Variants in AGBL4 observed in about 807,000 individuals in gnomAD.
AGBL4 encodes cytosolic carboxypeptidase 6.
AGBL4 carries 58 observed loss-of-function variants against 66.4 expected under a neutral mutation model. The observed-to-expected ratio is 0.87, with a 90% CI of 0.71 to 1.09. The LOEUF is 1.09. Ranked by LOEUF, AGBL4 falls within the 50% of genes least tolerant of loss-of-function variation. The probability of loss-of-function intolerance (pLI) is 0.00; values close to 1 mark genes in which losing one functional copy is unlikely to be tolerated. For synonymous variants in AGBL4, 234 were observed against 222.9 expected (o/e 1.05, Z -0.44); for missense variants, 579 against 631.0 (o/e 0.92, Z 0.88).
intron 1 of AGBL4, among the ~76,000 whole-genome samples, chr1:49,905,070 T>A (rs917404379): frequency 1.3e-5 from 2 of 152,182 alleles, no homozygotes; most frequent in African/African-American, 4.8e-5. Context: ...TTGACAAAAT[T>A]AGAAAAAGAT....
chr1:48,728,178 T>C (rs1210347389), intron 6 of AGBL4: 1 of 753,210 alleles, frequency 1.3e-6, no homozygotes. Context: ...AGCTATATTT[T>C]AAAATTTGCA....
intron 4 of AGBL4, among the ~76,000 whole-genome samples, chr1:49,082,878 G>C (rs1385349663): frequency 6.6e-6 from 1 of 152,222 alleles, no homozygotes; most frequent in Non-Finnish European, 1.5e-5. Context: ...TAGATACAAT[G>C]GAGGTACAGG....
At chr1:49,765,414 A>G (rs1008378621) in intron 2 of AGBL4, among the ~76,000 whole-genome samples, 10 of 152,122 alleles carry the variant, frequency 6.6e-5, no homozygotes, top group African/African-American at 2.4e-4. Flanking sequence ...GGAAAAGAAA[A>G]AGAAAAATAT....
intron 3 of AGBL4, among the ~76,000 whole-genome samples, chr1:49,438,744 A>G (rs1645960307): frequency 6.6e-6 from 1 of 152,202 alleles, no homozygotes; most frequent in Non-Finnish European, 1.5e-5. Context: ...CAAATAAAAA[A>G]TTTAATAGAA....
In AGBL4 at chr1:49,034,814, T is replaced by C. The variant is rs532242536; in HGVS notation, c.594+10770A>G. ...CTGAGGCCTACCAGTCATGCTGAAG[T>C]GTGAGTCAATTAAACCTCTTTCCCT... On this transcript the variant is annotated intron_variant, in intron 5 of 13. Coordinates refer to ENST00000371839, the MANE Select transcript of AGBL4 (RefSeq NM_032785.4). 5.9e-5 allele frequency among the ~76,000 whole-genome samples: 9 copies of C among 152,172 alleles called. No homozygotes were observed. In the South Asian group the frequency reaches 1.9e-3, roughly 32 times the overall value.
At chr1:48,766,958 T>C (rs899509846) in intron 6 of AGBL4, among the ~76,000 whole-genome samples, 1 of 152,212 alleles carries the variant, frequency 6.6e-6, no homozygotes, top group African/African-American at 2.4e-5. Context: ...AGGTGTGACT[T>C]CGTGAGAGAC....
chr1:49,889,687 G>A (rs192214725), intron 1 of AGBL4, among the ~76,000 whole-genome samples: 1 of 152,130 alleles, frequency 6.6e-6, no homozygotes, highest in Non-Finnish European at 1.5e-5. Flanking sequence ...AACCTGGGAG[G>A]TGGAGGTTGC....
At chr1:49,614,540 T>C (rs1645215388) in intron 3 of AGBL4, among the ~76,000 whole-genome samples, 1 of 152,188 alleles carries the variant, frequency 6.6e-6, no homozygotes, top group Non-Finnish European at 1.5e-5. Flanking sequence ...AGAATATTTG[T>C]ATACATTACC....
chr1:48,887,211 A>T (rs1650449240), intron 5 of AGBL4, among the ~76,000 whole-genome samples: 1 of 152,176 alleles, frequency 6.6e-6, no homozygotes, highest in South Asian at 2.1e-4. Context: ...TGACGAGGGC[A>T]TAGAGGAAAA....
At chr1:49,692,661 T>A (rs1646912129) in intron 3 of AGBL4, among the ~76,000 whole-genome samples, 1 of 149,064 alleles carries the variant, frequency 6.7e-6, no homozygotes, top group Non-Finnish European at 1.5e-5. Flanking sequence ...GAGCTTGCAG[T>A]GAGCCAAGAT....
chr1:48,759,423 G>T, intron 6 of AGBL4: 1 of 1,347,012 alleles, frequency 7.4e-7, no homozygotes, highest in Non-Finnish European at 9.7e-7. Context: ...CAAACACTTA[G>T]TCAAAGCCCT....
At position 48,811,168 on chromosome 1, in the gene AGBL4, G is replaced by A. The variant is rs376014911; in HGVS notation, c.634+56023C>T. Among the ~76,000 whole-genome samples the A allele has an allele frequency of 6.7e-5, 10 of 150,124 alleles. No individual in the cohort carries two copies. In the East Asian group the frequency reaches 1.4e-3, roughly 21 times the overall value. On this transcript the variant is annotated intron_variant, in intron 6 of 13. Transcript: ENST00000371839. ...CTCTGATTCTCAGCAGATTGGGAGT[G>A]CAAGGTAGTGGGTGGGGGTGGGGGT...
chr1:49,020,270 T>G (rs1340263718), intron 5 of AGBL4, among the ~76,000 whole-genome samples: 1 of 152,158 alleles, frequency 6.6e-6, no homozygotes, highest in Non-Finnish European at 1.5e-5. Flanking sequence ...ACAGCACTTT[T>G]GAGTCTTCAA....
intron 11 of AGBL4, among the ~76,000 whole-genome samples, chr1:48,564,549 G>T (rs922331063): frequency 1.3e-5 from 2 of 152,020 alleles, no homozygotes; most frequent in South Asian, 4.1e-4. Flanking sequence ...CTATGTCTAT[G>T]CTTTTGTTTC....
At position 49,854,726 on chromosome 1, in the gene AGBL4, G is replaced by A. The variant is rs141902605; in HGVS notation, c.35-3208C>T. ...ACCCAGCAATACATCTGGACCCCCA[G>A]CACTGTAGCCATATAGTGCCCTAAA... On this transcript the variant is annotated intron_variant, in intron 1 of 13. Transcript: ENST00000371839. 3.6e-3 allele frequency among the ~76,000 whole-genome samples: 550 copies of A among 152,222 alleles called. 3 individuals are homozygous for A. Among genetic ancestry groups the A allele is most frequent in the African/African-American group, 0.012 (497 of 41,524 alleles).
chr1:49,588,237 C>T (rs986876026), intron 3 of AGBL4, among the ~76,000 whole-genome samples: 4 of 152,138 alleles, frequency 2.6e-5, no homozygotes, highest in African/African-American at 9.7e-5. Flanking sequence ...TTATAATACA[C>T]CATAATGCTT....
intron 5 of AGBL4, among the ~76,000 whole-genome samples, chr1:48,950,395 G>A (rs1255698281): frequency 6.6e-6 from 1 of 152,202 alleles, no homozygotes; most frequent in Non-Finnish European, 1.5e-5. Flanking sequence ...ACCGCACCTG[G>A]CCGACCTCAT....
At chr1:48,776,927 G>A (rs1159832883) in intron 6 of AGBL4, 1 of 629,700 alleles carries the variant, frequency 1.6e-6, no homozygotes. Flanking sequence ...TCGCTACGGT[G>A]CTGGGGGGGG....
chr1:49,832,765 T>G, intron 2 of AGBL4, among the ~76,000 whole-genome samples: 1 of 152,224 alleles, frequency 6.6e-6, no homozygotes, highest in Non-Finnish European at 1.5e-5. Flanking sequence ...GAGCATTTTT[T>G]CATGTGTTTT....
Sources: gnomAD v4.1 joint callset for allele counts (sites outside exome capture counted in the v4.1 genomes callset) on GRCh38, gnomAD v4.1.1 for gene constraint, MANE v1.5 for transcripts, NCBI Gene and HGNC (gene_info 2026-07-23, HGNC 2026-07-21) for gene names.